Variants in IL1R2 observed in about 807,000 individuals in gnomAD.
The protein encoded by IL1R2 is interleukin-1 receptor type 2.
IL1R2 carries 46 observed loss-of-function variants against 39.5 expected under a neutral mutation model. The observed-to-expected ratio is 1.16, with a 90% CI of 0.92 to 1.49. IL1R2 has a LOEUF of 1.49. IL1R2 is among the 40% of genes most tolerant of loss of function. The probability of loss-of-function intolerance (pLI) is 0.00; values close to 1 mark genes in which losing one functional copy is unlikely to be tolerated. For synonymous variants in IL1R2, 207 were observed against 189.6 expected (o/e 1.09, Z -0.75); for missense variants, 537 against 502.0 (o/e 1.07, Z -0.67).
intron 1 of IL1R2, among the ~76,000 whole-genome samples, chr2:102,003,822 T>C (rs111214798): frequency 9.4e-4 from 44 of 46,576 alleles, no homozygotes; most frequent in Non-Finnish European, 1.5e-3. Context: ...TGTGTCTGTG[T>C]CTGTGTCTGT....
intron 3 of IL1R2, among the ~76,000 whole-genome samples, chr2:102,014,434 G>C (rs911763247): frequency 6.6e-6 from 1 of 152,156 alleles, no homozygotes; most frequent in African/African-American, 2.4e-5. Context: ...CTTTAGATTT[G>C]TCCTCAGTTG....
chr2:102,003,829 C>T (rs1370646016), intron 1 of IL1R2, among the ~76,000 whole-genome samples: 2 of 47,532 alleles, frequency 4.2e-5, no homozygotes, highest in Non-Finnish European at 8.1e-5. Flanking sequence ...GTGTCTGTGT[C>T]TGTGTCTGTG....
chr2:102,010,892 C>T (rs947381306), intron 3 of IL1R2, among the ~76,000 whole-genome samples: 7 of 152,176 alleles, frequency 4.6e-5, no homozygotes, highest in Non-Finnish European at 1.0e-4. Context: ...CAATAACTCC[C>T]CTCTCTTCTT....
intron 1 of IL1R2, among the ~76,000 whole-genome samples, chr2:101,996,769 T>A (rs1675611602): frequency 6.6e-6 from 1 of 151,712 alleles, no homozygotes; most frequent in South Asian, 2.1e-4. Flanking sequence ...ATGTATTATA[T>A]ACTCAGACCC....
intron 6 of IL1R2, 91 bp downstream of exon 6, chr2:102,022,340 C>G (rs1418300294): frequency 3.9e-6 from 4 of 1,038,100 alleles, no homozygotes; most frequent in Non-Finnish European, 6.0e-6. Context: ...GTCTGCTGAT[C>G]ATACCTGCTC....
chr2:102,009,936 A>G, intron 3 of IL1R2, 110 bp downstream of exon 3: 1 of 1,278,918 alleles, frequency 7.8e-7, no homozygotes, highest in Admixed American at 2.0e-5. Flanking sequence ...ATACAAATCC[A>G]GTGAATCCAC....
At position 102,019,690 on chromosome 2, in the gene IL1R2, C is replaced by T; in HGVS notation, c.566C>T (p.Thr189Ile). Residue 189 changes from threonine (T) to isoleucine (I), a missense_variant, in exon 5 of 9, where the codon ACC becomes ATC. By Grantham distance (89) the Thr-to-Ile change is moderately conservative. Transcript: ENST00000332549. Reference sequence around the variant, plus strand: ...GAGAAATTTCTAAGTGTGAGGGGGACCACTCACTTACTCGTACACGATGTG... The same window carrying T: ...GAGAAATTTCTAAGTGTGAGGGGGATCACTCACTTACTCGTACACGATGTG... ...DNEKFLSVRG[T>I]THLLVHDVAL... 6.2e-7 allele frequency: 1 copy of T among 1,613,720 alleles called. No individual in the cohort carries two copies. Among genetic ancestry groups the T allele is most frequent in the Non-Finnish European group, 8.5e-7 (1 of 1,179,668 alleles).
chr2:102,026,812 G>A (rs1314498711), intron 8 of IL1R2, among the ~76,000 whole-genome samples: 3 of 152,204 alleles, frequency 2.0e-5, no homozygotes, highest in Non-Finnish European at 4.4e-5. Flanking sequence ...TCATATCAAT[G>A]TTTAATTGTT....
chr2:102,009,675 G>T lies in IL1R2; in HGVS notation c.181G>T (p.Val61Phe). The T allele has an allele frequency of 1.9e-6, 3 of 1,614,212 alleles. No homozygotes were observed. The South Asian group carries it at 3.3e-5, about 18-fold the overall frequency. The change falls in exon 3 of 9, where the codon GTC becomes TTC. Residue 61 changes from valine to phenylalanine, a missense_variant. Coordinates refer to ENST00000332549, the MANE Select transcript of IL1R2 (RefSeq NM_004633.4). ...PQVPYWLWAS[V>F]SPRINLTWHK... ...GGTGCCCTACTGGTTGTGGGCCTCT[G>T]TCAGCCCCCGCATCAACCTGACATG... is the stretch of plus-strand genomic sequence containing the variant.
At chr2:101,995,564 C>A in intron 1 of IL1R2, among the ~76,000 whole-genome samples, 1 of 152,080 alleles carries the variant, frequency 6.6e-6, no homozygotes, top group East Asian at 1.9e-4. Flanking sequence ...CTAACCAATG[C>A]GGTTGTTTTT....
At chr2:102,010,457 T>TC in intron 3 of IL1R2, among the ~76,000 whole-genome samples, 1 of 151,930 alleles carries the variant, frequency 6.6e-6, no homozygotes, top group African/African-American at 2.4e-5. Flanking sequence ...GCGCCTGTAG[T>TC]CCCAGCTACT....
At position 102,009,806 on chromosome 2, in the gene IL1R2, C is replaced by T. The variant is rs764716173; in HGVS notation, c.312C>T (p.Gly104=). ...WLLPALQEDS[G]TYVCTTRNAS... is the part of the protein sequence containing the mutation. Reference sequence around the variant, plus strand: ...TGCCAGCCTTGCAGGAGGACTCTGGCACCTACGTCTGCACTACTAGGTAAG... The same window carrying T: ...TGCCAGCCTTGCAGGAGGACTCTGGTACCTACGTCTGCACTACTAGGTAAG... The change falls in exon 3 of 9, where the codon GGC becomes GGT. Residue 104 remains glycine (G), a synonymous_variant. Transcript: ENST00000332549. 1 of 1,614,186 alleles carries T rather than the reference C, an allele frequency of 6.2e-7. No homozygotes were observed. The highest frequency in any genetic ancestry group is 8.5e-7 in the Non-Finnish European group (1 of 1,180,024).
intron 4 of IL1R2, 123 bp downstream of exon 4, chr2:102,016,174 C>A: frequency 1.4e-6 from 1 of 721,276 alleles, no homozygotes. Flanking sequence ...CAAACACACA[C>A]ATGGTTTGCC....
chr2:102,001,571 C>G (rs1236655511), intron 1 of IL1R2, among the ~76,000 whole-genome samples: 1 of 152,102 alleles, frequency 6.6e-6, no homozygotes, highest in Non-Finnish European at 1.5e-5. Context: ...TTTTTTCTTT[C>G]CTATAGAACA....
chr2:102,016,005 G>C lies in IL1R2; in HGVS notation c.467G>C (p.Ser156Thr), dbSNP rs1185827366. ...GGGGTATTAGTATGCCCTGACCTGA[G>C]TGAATTCACCCGTGACAAAACTGAC... ...TSGVLVCPDL[S>T]EFTRDKTDVK... The change falls in exon 4 of 9, where the codon AGT (serine) becomes ACT (threonine). Residue 156 changes from serine (S) to threonine (T), a missense_variant. Transcript: ENST00000332549. 6.2e-7 allele frequency: 1 copy of C among 1,613,976 alleles called. No homozygotes were observed. Among genetic ancestry groups the C allele is most frequent in the Admixed American group, 1.7e-5 (1 of 60,008 alleles).
chr2:102,015,906 T>C lies in IL1R2; in HGVS notation c.368T>C (p.Leu123Pro), dbSNP rs757210661. ...ASYCDKMSIE[L>P]RVFENTDAFL... ...TACTGTGACAAAATGTCCATTGAGC[T>C]CAGAGTTTTTGAGAATACAGATGCT... The change falls in exon 4 of 9, where the codon CTC becomes CCC. Residue 123 changes from leucine to proline, a missense_variant. Physicochemically the swap from Leu to Pro is moderately conservative, Grantham distance 98 (BLOSUM62 -3). Transcript: ENST00000332549. 9 of 1,614,086 alleles carry C rather than the reference T, an allele frequency of 5.6e-6. No individual in the cohort carries two copies. Among genetic ancestry groups the C allele is most frequent in the Non-Finnish European group, 7.6e-6 (9 of 1,179,960 alleles).
intron 6 of IL1R2, 96 bp from the exon 7 acceptor site, chr2:102,024,437 T>A: frequency 1.2e-6 from 1 of 803,354 alleles, no homozygotes; most frequent in East Asian, 2.4e-5. Flanking sequence ...TGGTGAGGGG[T>A]GTTTGAGAAG....
chr2:102,009,939 G>A, intron 3 of IL1R2, 113 bp downstream of exon 3: 3 of 1,230,676 alleles, frequency 2.4e-6, no homozygotes, highest in Non-Finnish European at 3.4e-6. Context: ...CAAATCCAGT[G>A]AATCCACATT....
chr2:102,020,681 T>C (rs1298345928), intron 5 of IL1R2, among the ~76,000 whole-genome samples: 1 of 152,222 alleles, frequency 6.6e-6, no homozygotes, highest in East Asian at 1.9e-4. Flanking sequence ...TACAGTCCTG[T>C]GAGGATTCGT....
Sources: gnomAD v4.1 joint callset for allele counts (sites outside exome capture counted in the v4.1 genomes callset) on GRCh38, gnomAD v4.1.1 for gene constraint, MANE v1.5 for transcripts, NCBI Gene and HGNC (gene_info 2026-07-23, HGNC 2026-07-21) for gene names.